CYB5RL: variants seen among roughly 807,000 people sequenced by gnomAD.
CYB5RL encodes cytochrome b5 reductase like.
CYB5RL carries 38 observed loss-of-function variants against 37.5 expected under a neutral mutation model. The observed-to-expected ratio is 1.01, with a 90% CI of 0.78 to 1.33. CYB5RL has a LOEUF of 1.33. CYB5RL is among the 40% of genes most tolerant of loss of function. CYB5RL has a pLI of 0.00. For missense variants in CYB5RL, 388 were observed against 394.4 expected (o/e 0.98, Z 0.14); for synonymous variants, 141 against 151.9 (o/e 0.93, Z 0.53).
At chr1:54,197,312 C>CTT (rs199620217) in intron 1 of CYB5RL, among the ~76,000 whole-genome samples, 10,594 of 128,470 alleles carry the variant, frequency 0.082, 851 homozygotes, top group East Asian at 0.32. Flanking sequence ...TTTTTCTTTT[C>CTT]TTTTCTTTTT....
chr1:54,177,518 T>G, intron 7 of CYB5RL, among the ~76,000 whole-genome samples: 1 of 152,140 alleles, frequency 6.6e-6, no homozygotes, highest in East Asian at 1.9e-4. Flanking sequence ...TCACAGCACC[T>G]TGTGCTGTGC....
intron 5 of CYB5RL, among the ~76,000 whole-genome samples, chr1:54,186,967 C>T (rs1643906673): frequency 6.6e-6 from 1 of 152,034 alleles, no homozygotes; most frequent in Admixed American, 6.6e-5. Context: ...CGTAATGATT[C>T]CATTTGGGAA....
At position 54,171,619 on chromosome 1, in the gene CYB5RL, T is replaced by A. The variant is rs533296067; in HGVS notation, c.*3000A>T. Reference sequence around the variant, plus strand: ...ATGCATATGCACAAAGAGAGCTCTGTGTGGCTCACAGATTGTGGACACCTG... The same window carrying A: ...ATGCATATGCACAAAGAGAGCTCTGAGTGGCTCACAGATTGTGGACACCTG... On this transcript the variant is annotated 3_prime_UTR_variant, in exon 8 of 8. Transcript: ENST00000534324. 1 of 360,516 alleles carries A rather than the reference T, an allele frequency of 2.8e-6. No individual in the cohort carries two copies. Among genetic ancestry groups the A allele is most frequent in the East Asian group, 7.4e-5 (1 of 13,584 alleles). 22.3% of individuals were successfully genotyped at this position (360,516 alleles called of 1,614,324 possible). A position where few individuals can be genotyped will look rare whatever the true frequency, so the allele number is the denominator to read the frequency against.
chr1:54,176,953 G>A (rs945599327), intron 7 of CYB5RL, among the ~76,000 whole-genome samples: 1 of 152,192 alleles, frequency 6.6e-6, no homozygotes, highest in African/African-American at 2.4e-5. Context: ...GGAAAGGAGA[G>A]CACTCCTGGC....
At chr1:54,199,378 G>A (rs1345705418) in intron 1 of CYB5RL, among the ~76,000 whole-genome samples, 2 of 152,228 alleles carry the variant, frequency 1.3e-5, no homozygotes, top group East Asian at 3.9e-4. Flanking sequence ...CAGATGGTAC[G>A]GTAGTGTGAA....
At chr1:54,188,011 G>A (rs968728433) in intron 4 of CYB5RL, 26 of 435,698 alleles carry the variant, frequency 6.0e-5, no homozygotes, top group African/African-American at 4.2e-4. Context: ...GGGAGGTGGA[G>A]GTTTCAGTGA....
chr1:54,187,545 G>A, intron 5 of CYB5RL, 107 bp downstream of exon 5: 2 of 1,083,826 alleles, frequency 1.8e-6, no homozygotes, highest in Non-Finnish European at 2.7e-6. Flanking sequence ...CTTTGTCCAT[G>A]TTGTTCCCAG....
chr1:54,188,372 T>C (rs1325965218), intron 4 of CYB5RL, among the ~76,000 whole-genome samples: 3 of 152,190 alleles, frequency 2.0e-5, no homozygotes, highest in Non-Finnish European at 4.4e-5. Flanking sequence ...ATGACTGTCA[T>C]TTTTCCTGAC....
chr1:54,195,679 A>G lies in CYB5RL; in HGVS notation c.-63T>C. On this transcript the variant is annotated 5_prime_UTR_variant, in exon 3 of 8. The change abolishes the stop of an existing upstream ORF in the 5' untranslated region. Coordinates refer to ENST00000534324, the MANE Select transcript of CYB5RL (RefSeq NM_001031672.4). ...GCTCTTCCAGAACAGGCCAGGCTCT[A>G]TGAGACCACGGGCGCAGGCCCTGCT... The G allele has an allele frequency of 4.6e-6, 7 of 1,520,432 alleles. No individual in the cohort carries two copies. Among genetic ancestry groups the G allele is most frequent in the East Asian group, 2.3e-5 (1 of 43,828 alleles). 94.2% of individuals were successfully genotyped at this position (1,520,432 alleles called of 1,614,324 possible).
At chr1:54,184,490 T>A in intron 5 of CYB5RL, 2 of 505,976 alleles carry the variant, frequency 4.0e-6, no homozygotes, top group Non-Finnish European at 7.1e-6. Flanking sequence ...TGAGAATCCA[T>A]AGGACCTAAA....
chr1:54,174,436 T>G lies in CYB5RL; in HGVS notation c.*183A>C. Reference sequence around the variant, plus strand: ...CTACATAGTAGGAGGCCAGGAGGAGTGATTAACCTCATGGGGCAGATGAGA... The same window carrying G: ...CTACATAGTAGGAGGCCAGGAGGAGGGATTAACCTCATGGGGCAGATGAGA... On this transcript the variant is annotated 3_prime_UTR_variant, in exon 8 of 8. Transcript: ENST00000534324. 1.5e-6 allele frequency: 1 copy of G among 669,876 alleles called. No homozygotes were observed. The highest frequency in any genetic ancestry group is 2.5e-6 in the Non-Finnish European group (1 of 396,530). The allele number at this position is 669,876 out of a possible 1,614,324, so 41.5% of individuals were successfully genotyped here. A position where few individuals can be genotyped will look rare whatever the true frequency, so the allele number is the denominator to read the frequency against.
chr1:54,189,534 C>T (rs1174451290), intron 4 of CYB5RL, among the ~76,000 whole-genome samples: 2 of 152,102 alleles, frequency 1.3e-5, no homozygotes, highest in African/African-American at 2.4e-5. Flanking sequence ...ATTACGGAGG[C>T]GATGTGGTAC....
intron 5 of CYB5RL, chr1:54,185,121 A>C (rs541135224): frequency 5.9e-5 from 9 of 152,396 alleles, no homozygotes; most frequent in Admixed American, 5.2e-4. Flanking sequence ...ATCCAGATTC[A>C]GGCTCTCCCC....
intron 3 of CYB5RL, among the ~76,000 whole-genome samples, chr1:54,192,704 C>A (rs1643967101): frequency 6.6e-6 from 1 of 151,964 alleles, no homozygotes; most frequent in Non-Finnish European, 1.5e-5. Context: ...ATACAATTAA[C>A]TGGCAGAACC....
intron 5 of CYB5RL, 43 bp from the exon 6 acceptor site, chr1:54,184,308 C>T: frequency 6.5e-7 from 1 of 1,540,278 alleles, no homozygotes; most frequent in Non-Finnish European, 8.9e-7. Flanking sequence ...CAGGTACATG[C>T]TGCCAACACA....
chr1:54,193,149 C>T (rs1643971993), intron 3 of CYB5RL, among the ~76,000 whole-genome samples: 1 of 152,230 alleles, frequency 6.6e-6, no homozygotes, highest in African/African-American at 2.4e-5. Flanking sequence ...TTGTGCCTAG[C>T]ACACAGGATA....
At position 54,170,945 on chromosome 1, in the gene CYB5RL, A is replaced by G. The variant is rs114838719; in HGVS notation, c.*3674T>C. 2.3e-3 allele frequency: 791 copies of G among 349,112 alleles called. 1 individual carries two copies. The highest frequency in any genetic ancestry group is 3.5e-3 in the Non-Finnish European group (622 of 175,744). 21.6% of individuals were successfully genotyped at this position (349,112 alleles called of 1,614,324 possible). On this transcript the variant is annotated 3_prime_UTR_variant, in exon 8 of 8. Transcript: ENST00000534324. ...TTGCCACCTGGAAAGCACTTCCTGA[A>G]CATTAGTTGTTTATCGCTCAGGTAT...
chr1:54,192,142 A>T (rs140273182), intron 3 of CYB5RL, among the ~76,000 whole-genome samples: 74 of 151,994 alleles, frequency 4.9e-4, no homozygotes, highest in African/African-American at 1.7e-3. Context: ...ATTTTATAGG[A>T]CTGACAAAAT....
At chr1:54,194,302 G>A (rs1485776103) in intron 3 of CYB5RL, among the ~76,000 whole-genome samples, 6 of 151,546 alleles carry the variant, frequency 4.0e-5, no homozygotes, top group South Asian at 2.1e-4. Flanking sequence ...CCTGGGAGGC[G>A]GAGGTTGCAG....
Sources: gnomAD v4.1 joint callset for allele counts (sites outside exome capture counted in the v4.1 genomes callset) on GRCh38, gnomAD v4.1.1 for gene constraint, MANE v1.5 for transcripts, NCBI Gene and HGNC (gene_info 2026-07-23, HGNC 2026-07-21) for gene names.